The following NFKBIB variants were observed in gnomAD, a reference collection of about 807,000 sequenced individuals.
NFKBIB encodes NF-kappa-B inhibitor beta.
A neutral mutation model predicts 32.1 loss-of-function variants in NFKBIB; 16 were observed. That is an observed-to-expected ratio of 0.50 (90% CI 0.34 to 0.76). The LOEUF (loss-of-function observed/expected upper bound fraction) is 0.76. Ranked by LOEUF, NFKBIB falls within the 30% of genes least tolerant of loss-of-function variation. The pLI is 0.01. For missense variants in NFKBIB, 437 were observed against 514.9 expected (o/e 0.85, Z 1.46); for synonymous variants, 222 against 219.5 (o/e 1.01, Z -0.10).
chr19:38,906,466 G>GTTTTT (rs59286558), intron 3 of NFKBIB, among the ~76,000 whole-genome samples: 2 of 75,330 alleles, frequency 2.7e-5, no homozygotes, highest in African/African-American at 5.5e-5. Context: ...TTAATTTAAG[G>GTTTTT]TTTTTTTTTT....
chr19:38,905,315 G>A lies in NFKBIB; in HGVS notation c.399G>A (p.Leu133=). Residue 133 remains leucine, a synonymous_variant, in exon 3 of 6, where the codon CTG becomes CTA. Coordinates refer to ENST00000313582, the MANE Select transcript of NFKBIB (RefSeq NM_002503.5). The surrounding 1 kb of genome is among the most constrained non-coding windows in gnomAD (Gnocchi z 5.5). ...GTAGGGGCCACACGGCGCTGCACCT[G>A]GCCTGCCGTGTGGGGGCACACGCCT... is the stretch of plus-strand genomic sequence containing the variant. ...AERRGHTALH[L]ACRVGAHACA... 1.2e-6 allele frequency: 2 copies of A among 1,609,108 alleles called. No individual in the cohort carries two copies. The highest frequency in any genetic ancestry group is 1.7e-6 in the Non-Finnish European group (2 of 1,178,638).
At position 38,905,510 on chromosome 19, in the gene NFKBIB, G is replaced by A; in HGVS notation, c.594G>A (p.Leu198=). The A allele has an allele frequency of 6.2e-7, 1 of 1,610,684 alleles. No individual in the cohort carries two copies. The highest frequency in any genetic ancestry group is 8.5e-7 in the Non-Finnish European group (1 of 1,178,162). The change falls in exon 3 of 6, where the codon CTG becomes CTA. Residue 198 remains leucine, a synonymous_variant. Transcript: ENST00000313582. The surrounding 1 kb of genome is among the most constrained non-coding windows in gnomAD (Gnocchi z 5.5). The part of the protein sequence containing the change: ...EEEESEEDWK[L]QLEAENYEGH... ...AGGAGAGTGAGGAGGACTGGAAGCT[G>A]CAGCTGGAGGCTGAAAACTACGAGG...
chr19:38,906,195 C>T (rs569583132), intron 3 of NFKBIB, among the ~76,000 whole-genome samples: 226 of 135,088 alleles, frequency 1.7e-3, no homozygotes, highest in Non-Finnish European at 2.7e-3. Flanking sequence ...AGTTCAGTGG[C>T]GTGATCTTGG....
Position 38,903,097 on chromosome 19 carries a change from GAAAA to G in NFKBIB, c.180-1916_180-1913del, listed in dbSNP as rs745490994. Among the ~76,000 whole-genome samples, 31 of 151,816 alleles carry G rather than the reference GAAAA, an allele frequency of 2.0e-4. No individual in the cohort carries two copies. In the East Asian group the frequency reaches 2.1e-3, roughly 10 times the overall value. ...AAAACAAAACAAACAAACAAAAAAAGAAAAAGAAAAACAAAACCAAAAAGAGAAA... is the reference window on the plus strand; with the variant it reads ...AAAACAAAACAAACAAACAAAAAAAGAGAAAAACAAAACCAAAAAGAGAAA... On this transcript the variant is annotated intron_variant, in intron 1 of 5. Transcript: ENST00000313582.
intron 1 of NFKBIB, among the ~76,000 whole-genome samples, chr19:38,903,462 A>AT (rs1281914974): frequency 2.0e-5 from 3 of 151,648 alleles, no homozygotes; most frequent in Admixed American, 2.0e-4. Context: ...TTTTTTTTGT[A>AT]TTTTTTGTAG....
intron 1 of NFKBIB, among the ~76,000 whole-genome samples, chr19:38,903,792 C>T (rs948359592): frequency 2.6e-5 from 4 of 151,614 alleles, no homozygotes; most frequent in Admixed American, 6.6e-5. Context: ...TTCTTGAGGC[C>T]GGGCGCCGTG....
At chr19:38,901,498 C>CTT (rs572932760) in intron 1 of NFKBIB, among the ~76,000 whole-genome samples, 11 of 140,196 alleles carry the variant, frequency 7.8e-5, no homozygotes, top group African/African-American at 2.9e-4. Context: ...TTCTCAAACT[C>CTT]TTTTTTTTTT....
At chr19:38,899,930 G>C (rs1411698921), upstream of NFKBIB, 7 of 1,196,520 alleles carry the variant, frequency 5.9e-6, no homozygotes, top group Admixed American at 2.0e-4. Context: ...GGTGAATCAG[G>C]GGGCGTGGTG....
upstream of NFKBIB, chr19:38,899,728 C>G (rs201897597): frequency 1.3e-6 from 1 of 777,226 alleles, no homozygotes; most frequent in Non-Finnish European, 2.2e-6. Context: ...ACACCCAGAG[C>G]GCCCCAGTTA....
At chr19:38,904,038 C>G (rs1308272392) in intron 1 of NFKBIB, among the ~76,000 whole-genome samples, 1 of 151,686 alleles carries the variant, frequency 6.6e-6, no homozygotes, top group African/African-American at 2.4e-5. Context: ...TCACTGCGCT[C>G]CAGCCTGGGC....
In NFKBIB at chr19:38,907,244, G is replaced by A. The variant is rs200349639; in HGVS notation, c.643G>A (p.Val215Ile). 2.3e-5 allele frequency: 37 copies of A among 1,612,868 alleles called. No homozygotes were observed. Among genetic ancestry groups the A allele is most frequent in the Middle Eastern group, 1.7e-4 (1 of 6,054 alleles). Residue 215 changes from valine to isoleucine, a missense_variant, in exon 4 of 6, where the codon GTT becomes ATT. By Grantham distance (29) the Val-to-Ile change is conservative. Transcript: ENST00000313582. ...AGGCCACACCCCACTCCACGTGGCC[G>A]TTATCCACAAAGATGTGGAGATGGT... ...YEGHTPLHVA[V>I]IHKDVEMVRL... is the part of the protein sequence containing the mutation.
chr19:38,908,614 G>A (rs1974229099), intron 5 of NFKBIB, 117 bp from the exon 6 acceptor site: 2 of 1,416,500 alleles, frequency 1.4e-6, no homozygotes, highest in African/African-American at 1.5e-5. Flanking sequence ...TGAGCCAGGA[G>A]CAGGGGAACT....
chr19:38,907,346 AG>A (rs2144739145), intron 4 of NFKBIB, 37 bp downstream of exon 4: 2 of 1,603,822 alleles, frequency 1.2e-6, no homozygotes, highest in Admixed American at 1.7e-5. Flanking sequence ...CGTCGGCGGG[AG>A]GGGGCTTGTC....
intron 3 of NFKBIB, among the ~76,000 whole-genome samples, chr19:38,906,531 G>A (rs1436303758): frequency 2.2e-5 from 3 of 137,614 alleles, no homozygotes; most frequent in Non-Finnish European, 3.0e-5. Flanking sequence ...GTGCAGTGGC[G>A]CCATCTCAGC....
rs28362605 is a variant in NFKBIB at position 38,900,237 on chromosome 19, G to A, written c.179+26G>A. On this transcript the variant is annotated intron_variant, in intron 1 of 5. Coordinates refer to ENST00000313582, the MANE Select transcript of NFKBIB (RefSeq NM_002503.5). Reference sequence around the variant, plus strand: ...GTGAGTGAACCTTAGGCTGCCAAACGGAGCCCTAGGACCCGGCGTCACATT... The same window carrying A: ...GTGAGTGAACCTTAGGCTGCCAAACAGAGCCCTAGGACCCGGCGTCACATT... 649 of 1,566,014 alleles carry A rather than the reference G, an allele frequency of 4.1e-4. 3 individuals are homozygous for A. The highest frequency in any genetic ancestry group is 4.0e-3 in the East Asian group (169 of 42,654).
At position 38,905,599 on chromosome 19, in the gene NFKBIB, T is replaced by C. The variant is rs1974095819; in HGVS notation, c.619+64T>C. On this transcript the variant is annotated intron_variant, in intron 3 of 5. Transcript: ENST00000313582. This position sits in a 1 kb window ranked among gnomAD's most constrained non-coding sequence, Gnocchi z 5.5. The stretch of plus-strand genomic sequence containing the variant: ...TAGGCGAGAGCACCTGGCCCTGGGC[T>C]CAGCTTCCCTGATTTGAGACTGAGC... The C allele has an allele frequency of 1.5e-6, 2 of 1,316,170 alleles. No homozygotes were observed. The highest frequency in any genetic ancestry group is 2.1e-6 in the Non-Finnish European group (2 of 952,518). 81.5% of individuals were successfully genotyped at this position (1,316,170 alleles called of 1,614,324 possible). A position where few individuals can be genotyped will look rare whatever the true frequency, so the allele number is the denominator to read the frequency against.
intron 1 of NFKBIB, among the ~76,000 whole-genome samples, chr19:38,901,568 G>A (rs1256824913): frequency 1.3e-5 from 2 of 151,164 alleles, no homozygotes; most frequent in African/African-American, 2.4e-5. Flanking sequence ...ATCTCTGCTC[G>A]CTGAAACCTC....
Position 38,900,295 on chromosome 19 carries a change from A to T in NFKBIB, c.179+84A>T, listed in dbSNP as rs1973906141. On this transcript the variant is annotated intron_variant, in intron 1 of 5. Coordinates refer to ENST00000313582, the MANE Select transcript of NFKBIB (RefSeq NM_002503.5). ...AATCTCTGATCCCTGAGGCTTCCTA[A>T]CCTCATACTCCTAAATCTGACTTCC... is the stretch of plus-strand genomic sequence containing the variant. The T allele has an allele frequency of 2.9e-6, 4 of 1,371,300 alleles. No individual in the cohort carries two copies. The South Asian group carries it at 5.8e-5, about 20-fold the overall frequency. 84.9% of individuals were successfully genotyped at this position (1,371,300 alleles called of 1,614,324 possible).
At position 38,905,507 on chromosome 19, in the gene NFKBIB, G is replaced by A. The variant is rs751473484; in HGVS notation, c.591G>A (p.Lys197=). The change falls in exon 3 of 6, where the codon AAG becomes AAA. Residue 197 remains lysine (K), a synonymous_variant. Transcript: ENST00000313582. This position sits in a 1 kb window ranked among gnomAD's most constrained non-coding sequence, Gnocchi z 5.5. ...AAGAGGAGAGTGAGGAGGACTGGAA[G>A]CTGCAGCTGGAGGCTGAAAACTACG... The part of the protein sequence containing the change: ...KEEEESEEDW[K]LQLEAENYEG... 3.1e-6 allele frequency: 5 copies of A among 1,611,418 alleles called. No homozygotes were observed. In the South Asian group the frequency reaches 3.3e-5, roughly 11 times the overall value.
Sources: allele counts gnomAD v4.1 joint callset (sites outside exome capture counted in the v4.1 genomes callset), GRCh38; gene constraint gnomAD v4.1.1; non-coding constraint Gnocchi (gnomAD v3.1); transcripts MANE v1.5; gene names NCBI Gene and HGNC (gene_info 2026-07-23, HGNC 2026-07-21).